The following XKR4 variants were observed in gnomAD, a reference collection of about 807,000 sequenced individuals.
XKR4 encodes XK related 4.
Under a neutral mutation model 53.9 loss-of-function variants are expected in XKR4, and 12 were observed. That is an observed-to-expected ratio of 0.22 (90% CI 0.14 to 0.36). The LOEUF (loss-of-function observed/expected upper bound fraction) is 0.36, where lower values mean the gene tolerates loss of function less well. XKR4 is among the 10% of genes least tolerant of loss of function. XKR4 has a pLI of 1.00. For missense variants in XKR4, 799 were observed against 859.5 expected, an observed-to-expected ratio of 0.93 and a Z score of 0.88; for synonymous variants, 354 against 362.4, an observed-to-expected ratio of 0.98 and a Z score of 0.26.
At chr8:55,285,772 A>C (rs1818899927) in intron 1 of XKR4, among the ~76,000 whole-genome samples, 1 of 152,160 alleles carries the variant, frequency 6.6e-6, no homozygotes, top group Admixed American at 6.5e-5. Context: ...TGGCTCAGTC[A>C]GTCTATAGCC....
chr8:55,327,834 T>C (rs974422727), intron 1 of XKR4, among the ~76,000 whole-genome samples: 2 of 152,208 alleles, frequency 1.3e-5, no homozygotes, highest in Non-Finnish European at 2.9e-5. Context: ...AAATAAAGTC[T>C]GTCCAACCTT....
chr8:55,397,758 G>A (rs1345989330), intron 2 of XKR4, among the ~76,000 whole-genome samples: 2 of 152,100 alleles, frequency 1.3e-5, no homozygotes, highest in African/African-American at 4.8e-5. Context: ...TTCATCAATG[G>A]TCTTCCAGCT....
chr8:55,450,887 C>G (rs1563353503), intron 2 of XKR4: 1 of 473,094 alleles, frequency 2.1e-6, no homozygotes, highest in Non-Finnish European at 4.0e-6. Flanking sequence ...CTCCCAGCAC[C>G]GACACCTGCA....
intron 1 of XKR4, among the ~76,000 whole-genome samples, chr8:55,347,722 G>A (rs1803668889): frequency 6.6e-6 from 1 of 152,206 alleles, no homozygotes; most frequent in Non-Finnish European, 1.5e-5. Context: ...ACTAATGAGA[G>A]CTGGGTATTT....
rs147846356 is a variant in XKR4, at chr8:55,441,454, T to C, written c.1007-81827T>C. Among the ~76,000 whole-genome samples the C allele has an allele frequency of 1.6e-3, 251 of 152,258 alleles. 4 individuals are homozygous for C. The East Asian group carries it at 0.017, about 10-fold the overall frequency. On this transcript the variant is annotated intron_variant, in intron 2 of 2. Coordinates refer to ENST00000327381, the MANE Select transcript of XKR4 (RefSeq NM_052898.2). Reference sequence around the variant, plus strand: ...TCTCAGTAAATAATAGATTAGTAGATAAAAATGAGGAAGTATATAGAATAT... The same window carrying C: ...TCTCAGTAAATAATAGATTAGTAGACAAAAATGAGGAAGTATATAGAATAT...
intron 2 of XKR4, chr8:55,520,919 C>A (rs1385404225): frequency 6.6e-6 from 1 of 152,206 alleles, no homozygotes; most frequent in Non-Finnish European, 1.5e-5. Context: ...ATACTGTGTA[C>A]TTAAAGTTTT....
At chr8:55,428,536 C>CCCA (rs1226008615) in intron 2 of XKR4, among the ~76,000 whole-genome samples, 3 of 152,328 alleles carry the variant, frequency 2.0e-5, no homozygotes, top group Admixed American at 2.0e-4. Flanking sequence ...CAGGCTATAA[C>CCCA]GAGTCATCCC....
chr8:55,453,010 G>A, intron 2 of XKR4: 1 of 666,720 alleles, frequency 1.5e-6, no homozygotes, highest in Non-Finnish European at 2.9e-6. Flanking sequence ...GCCACTTCTA[G>A]GGCAGAGTGC....
chr8:55,327,072 G>A (rs143851334), intron 1 of XKR4, among the ~76,000 whole-genome samples: 5 of 152,198 alleles, frequency 3.3e-5, no homozygotes, highest in African/African-American at 9.6e-5. Flanking sequence ...GTTGCAAGGC[G>A]TTTATGAAAC....
intron 1 of XKR4, among the ~76,000 whole-genome samples, chr8:55,104,863 G>C (rs1816117676): frequency 6.6e-6 from 1 of 152,162 alleles, no homozygotes; most frequent in East Asian, 1.9e-4. Flanking sequence ...CTTCAAGTAT[G>C]ATGAAGGACT....
At chr8:55,401,246 G>C (rs1434711373) in intron 2 of XKR4, among the ~76,000 whole-genome samples, 1 of 152,230 alleles carries the variant, frequency 6.6e-6, no homozygotes, top group Non-Finnish European at 1.5e-5. Context: ...TGTTGTGGCT[G>C]TCCTGAGGAC....
At chr8:55,319,332 C>T (rs1429509630) in intron 1 of XKR4, among the ~76,000 whole-genome samples, 1 of 152,124 alleles carries the variant, frequency 6.6e-6, no homozygotes, top group South Asian at 2.1e-4. Context: ...TGGTTTACTA[C>T]AGAAATGCAA....
chr8:55,183,693 GA>G (rs1817342645), intron 1 of XKR4, among the ~76,000 whole-genome samples: 1 of 152,142 alleles, frequency 6.6e-6, no homozygotes, highest in African/African-American at 2.4e-5. Flanking sequence ...GTGCACTTGA[GA>G]ATGTCTATTC....
intron 2 of XKR4, among the ~76,000 whole-genome samples, chr8:55,396,048 C>T (rs753479160): frequency 4.3e-4 from 66 of 152,276 alleles, no homozygotes; most frequent in Non-Finnish European, 3.1e-4. Flanking sequence ...GAGAGTCATC[C>T]CATTCATGGG....
Position 55,243,892 on chromosome 8 carries a change from A to C in XKR4, c.807-113786A>C, listed in dbSNP as rs1490689126. On this transcript the variant is annotated intron_variant, in intron 1 of 2. Coordinates refer to ENST00000327381, the MANE Select transcript of XKR4 (RefSeq NM_052898.2). ...GAAGGATAACCTAGACAGTGCGTGC[A>C]AGTGCATTCACAGCACCTGCCGCAC... Among the ~76,000 whole-genome samples, 3 of 152,358 alleles carry C rather than the reference A, an allele frequency of 2.0e-5. No individual in the cohort carries two copies. In the East Asian group the frequency reaches 5.8e-4, roughly 29 times the overall value.
intron 1 of XKR4, among the ~76,000 whole-genome samples, chr8:55,309,233 T>C (rs754557282): frequency 6.6e-6 from 1 of 152,096 alleles, no homozygotes; most frequent in Admixed American, 6.5e-5. Flanking sequence ...TACTTAGCAA[T>C]AGAAAAAGCA....
chr8:55,445,702 C>A (rs1288129071), intron 2 of XKR4, among the ~76,000 whole-genome samples: 3 of 152,254 alleles, frequency 2.0e-5, no homozygotes, highest in Middle Eastern at 3.4e-3. Context: ...TGATTGGGCA[C>A]TATTGCCCCT....
At chr8:55,163,802 G>T in intron 1 of XKR4, among the ~76,000 whole-genome samples, 1 of 152,108 alleles carries the variant, frequency 6.6e-6, no homozygotes, top group Admixed American at 6.5e-5. Context: ...CTGCGATCGT[G>T]CCACTGCACT....
chr8:55,275,251 A>G (rs893177738), intron 1 of XKR4, among the ~76,000 whole-genome samples: 1 of 152,204 alleles, frequency 6.6e-6, no homozygotes, highest in Non-Finnish European at 1.5e-5. Flanking sequence ...TGTGATTAAA[A>G]TATAATATTC....
Sources: gnomAD v4.1 joint callset for allele counts (sites outside exome capture counted in the v4.1 genomes callset) on GRCh38, gnomAD v4.1.1 for gene constraint, MANE v1.5 for transcripts, NCBI Gene and HGNC (gene_info 2026-07-23, HGNC 2026-07-21) for gene names.